Variants in FANCI observed in about 807,000 individuals in gnomAD.
FANCI encodes FA complementation group I, also known as Fanconi anemia group I protein.
A neutral mutation model predicts 176.1 loss-of-function variants in FANCI; 156 were observed. That is an observed-to-expected ratio of 0.89 (90% CI 0.78 to 1.01). The LOEUF is 1.01. Among genes scored for constraint, FANCI ranks in the 50% least tolerant of loss-of-function variants. The pLI is 0.00. For synonymous variants in FANCI, 613 were observed against 541.7 expected, an observed-to-expected ratio of 1.13 and a Z score of -1.83; for missense variants, 1,678 against 1,534.1, an observed-to-expected ratio of 1.09 and a Z score of -1.57.
intron 11 of FANCI, 149 bp from the exon 12 acceptor site, chr15:89,274,019 A>AT (rs2053308760): frequency 1.6e-6 from 1 of 621,266 alleles, no homozygotes; most frequent in African/African-American, 1.8e-5. Flanking sequence ...GATATATGTG[A>AT]ATGGCAGCTC....
At chr15:89,259,106 C>G in intron 3 of FANCI, 1 of 327,910 alleles carries the variant, frequency 3.0e-6, no homozygotes, top group Non-Finnish European at 5.9e-6. Flanking sequence ...CCATGCTTAG[C>G]AAGGGGCAAG....
intron 4 of FANCI, 97 bp downstream of exon 4, chr15:89,260,940 TC>T: frequency 6.9e-7 from 1 of 1,442,128 alleles, no homozygotes; most frequent in Non-Finnish European, 9.7e-7. Context: ...CCTAGCATAG[TC>T]CTTATTTATG....
chr15:89,299,714 T>C, intron 24 of FANCI, 86 bp from the exon 25 acceptor site: 1 of 1,358,050 alleles, frequency 7.4e-7, no homozygotes, highest in South Asian at 1.2e-5. Flanking sequence ...CTAGAACTGT[T>C]CACCTACAGG....
intron 34 of FANCI, chr15:89,308,133 G>C: frequency 9.2e-7 from 1 of 1,089,212 alleles, no homozygotes; most frequent in Non-Finnish European, 1.1e-6. Flanking sequence ...GATTCCTGCA[G>C]TACTTGAATC....
chr15:89,278,679 C>G lies in FANCI; in HGVS notation c.1294-8C>G. ...CCAGGAATATTTTATTTATTCTGTT[C>G]TTTTTAGATCCATGAGATGATCAGA... is the stretch of plus-strand genomic sequence containing the variant. On this transcript the variant is annotated splice_region_variant and splice_polypyrimidine_tract_variant and intron_variant, in intron 13 of 37. Transcript: ENST00000310775. The G allele has an allele frequency of 1.9e-6, 3 of 1,609,000 alleles. No individual in the cohort carries two copies. The highest frequency in any genetic ancestry group is 2.2e-5 in the East Asian group (1 of 44,802).
intron 24 of FANCI, among the ~76,000 whole-genome samples, chr15:89,297,381 T>A (rs1213318177): frequency 1.3e-5 from 2 of 152,082 alleles, no homozygotes; most frequent in East Asian, 3.9e-4. Context: ...GAGGCTGCAA[T>A]CTCGGCACTT....
intron 8 of FANCI, among the ~76,000 whole-genome samples, 178 bp from the exon 9 acceptor site, chr15:89,264,344 G>A (rs1004968114): frequency 6.6e-6 from 1 of 152,170 alleles, no homozygotes; most frequent in Non-Finnish European, 1.5e-5. Context: ...ACAGTAAGAG[G>A]TATTTCAAAT....
rs577034554 is a variant in FANCI at position 89,288,400 on chromosome 15, G to A, written c.1822-1813G>A. Among the ~76,000 whole-genome samples, 243 of 152,194 alleles carry A rather than the reference G, an allele frequency of 1.6e-3. 1 individual carries two copies. The highest frequency in any genetic ancestry group is 2.8e-3 in the Non-Finnish European group (190 of 68,024). On this transcript the variant is annotated intron_variant, in intron 18 of 37. Coordinates refer to ENST00000310775, the MANE Select transcript of FANCI (RefSeq NM_001113378.2). The stretch of plus-strand genomic sequence containing the variant: ...AAAAATTAACATGAAGTGGATCATA[G>A]ACTTAAACCTATTAGAATATTGCTG...
chr15:89,256,565 T>A (rs1295550967), intron 2 of FANCI, among the ~76,000 whole-genome samples: 1 of 152,206 alleles, frequency 6.6e-6, no homozygotes, highest in Non-Finnish European at 1.5e-5. Flanking sequence ...TTCTCCATTG[T>A]CTTTGCTGGC....
chr15:89,292,378 C>G (rs1337034110), intron 20 of FANCI, among the ~76,000 whole-genome samples: 2 of 152,146 alleles, frequency 1.3e-5, no homozygotes. Flanking sequence ...CTCTGGGACT[C>G]AAATGAACTA....
chr15:89,278,554 T>G, intron 13 of FANCI, 133 bp from the exon 14 acceptor site: 1 of 693,036 alleles, frequency 1.4e-6, no homozygotes, highest in South Asian at 1.6e-5. Flanking sequence ...TCTTTCCAGA[T>G]GATTCACATT....
chr15:89,305,513 T>C, intron 30 of FANCI, 92 bp from the exon 31 acceptor site: 1 of 1,598,108 alleles, frequency 6.3e-7, no homozygotes, highest in Non-Finnish European at 8.6e-7. Context: ...CTGAGGCCTG[T>C]AACCCACCTG....
chr15:89,255,905 A>G (rs1327119832), intron 2 of FANCI, among the ~76,000 whole-genome samples: 2 of 152,360 alleles, frequency 1.3e-5, no homozygotes, highest in Non-Finnish European at 1.5e-5. Flanking sequence ...TTCGTTGAGT[A>G]CTTGTCGTGT....
At position 89,258,168 on chromosome 15, in the gene FANCI, T is replaced by C. The variant is rs150689355; in HGVS notation, c.85-536T>C. ...ATCATACTTCCATCTGGAATATCCT[T>C]CTCTAACGCCTTTGAATAATTAGCT... On this transcript the variant is annotated intron_variant, in intron 2 of 37. Transcript: ENST00000310775. 4.9e-4 allele frequency among the ~76,000 whole-genome samples: 74 copies of C among 152,292 alleles called. 1 individual carries two copies. The highest frequency in any genetic ancestry group is 1.7e-3 in the African/African-American group (72 of 41,566).
rs541976745 is a variant in FANCI, at chr15:89,295,024, A to C, written c.2566A>C (p.Thr856Pro). ...GCAGAAAGTACAGCAGCTAAAGGAA[A>C]CAGGGCATGTGAGTGGCCCTGATGG... ...ALQKVQQLKE[T>P]GHVSGPDGQN... Residue 856 changes from threonine to proline, a missense_variant, in exon 24 of 38, where the codon ACA (threonine) becomes CCA (proline). By Grantham distance (38) the Thr-to-Pro change is conservative. This residue lies in a region of FANCI where 1,204 missense variants were observed against 1,077.4 expected (regional missense o/e 1.12). Coordinates refer to ENST00000310775, the MANE Select transcript of FANCI (RefSeq NM_001113378.2). 19 of 1,552,308 alleles carry C rather than the reference A, an allele frequency of 1.2e-5. No homozygotes were observed. In the South Asian group the frequency reaches 2.3e-4, roughly 18 times the overall value.
Position 89,301,397 on chromosome 15 carries a change from G to A in FANCI, c.2961G>A (p.Thr987=), listed in dbSNP as rs144736769. Residue 987 remains threonine, a synonymous_variant, in exon 27 of 38, where the codon ACG becomes ACA. Coordinates refer to ENST00000310775, the MANE Select transcript of FANCI (RefSeq NM_001113378.2). ...GCAAAGAAGCCCTCCTGCTAGTCAC[G>A]GTTCTTACCAGTTTGTCCAAGTTAC... ...FNSKEALLLV[T]VLTSLSKLLE... 13 of 1,613,624 alleles carry A rather than the reference G, an allele frequency of 8.1e-6. 1 individual carries two copies. The highest frequency in any genetic ancestry group is 1.3e-5 in the African/African-American group (1 of 74,890).
intron 7 of FANCI, 62 bp from the exon 8 acceptor site, chr15:89,263,841 T>C: frequency 1.2e-6 from 2 of 1,602,968 alleles, no homozygotes; most frequent in South Asian, 2.2e-5. Flanking sequence ...AGCCCTGAAT[T>C]GAATTTCTGA....
At chr15:89,297,784 G>A (rs1413364366) in intron 24 of FANCI, among the ~76,000 whole-genome samples, 1 of 149,792 alleles carries the variant, frequency 6.7e-6, no homozygotes, top group Non-Finnish European at 1.5e-5. Context: ...GAGGGGGAGG[G>A]GGAGGGGGCT....
intron 24 of FANCI, 100 bp from the exon 25 acceptor site, chr15:89,299,700 A>G (rs1002126779): frequency 8.2e-7 from 1 of 1,223,918 alleles, no homozygotes; most frequent in Non-Finnish European, 1.2e-6. Flanking sequence ...GTTTTTTTAA[A>G]CTTCTAGAAC....
Sources: gnomAD v4.1 joint callset for allele counts (sites outside exome capture counted in the v4.1 genomes callset) on GRCh38, gnomAD v4.1.1 for gene constraint, gnomAD v4.1.1 regional missense constraint, MANE v1.5 for transcripts, NCBI Gene and HGNC (gene_info 2026-07-23, HGNC 2026-07-21) for gene names.